LIPJ: variants seen among roughly 807,000 people sequenced by gnomAD.
LIPJ encodes lipase family member J.
LIPJ carries 33 observed loss-of-function variants against 39.8 expected under a neutral mutation model. The ratio of observed to expected loss-of-function variants is 0.83; its 90% confidence interval spans 0.63 to 1.11. The LOEUF (loss-of-function observed/expected upper bound fraction) is 1.11, where lower values mean the gene tolerates loss of function less well. Ranked by LOEUF, LIPJ falls within the 50% of genes least tolerant of loss-of-function variation. The pLI is 0.00. For synonymous variants in LIPJ, 128 were observed against 139.2 expected, an observed-to-expected ratio of 0.92 and a Z score of 0.57; for missense variants, 422 against 427.9, an observed-to-expected ratio of 0.99 and a Z score of 0.12.
chr10:88,619,233 T>C, the LIPJ span, among the ~76,000 whole-genome samples: 1 of 146,232 alleles, frequency 6.8e-6, no homozygotes, highest in Non-Finnish European at 1.5e-5. Flanking sequence ...AAAAAAGCTG[T>C]AACCCACACA....
chr10:88,613,800 A>ATATATATGTGTGTGTGTGTG, the LIPJ span, among the ~76,000 whole-genome samples: 2 of 74,156 alleles, frequency 2.7e-5, no homozygotes, highest in African/African-American at 9.6e-5. Flanking sequence ...ATATATATAT[A>ATATATATGTGTGTGTGTGTG]TGTGTGTGTG....
chr10:88,609,759 C>G (rs1340575051), downstream of LIPJ, among the ~76,000 whole-genome samples: 1 of 151,366 alleles, frequency 6.6e-6, no homozygotes, highest in African/African-American at 2.4e-5. Flanking sequence ...ATTAGCTGGG[C>G]GTGGTGGTGT....
chr10:88,619,954 AT>A, the LIPJ span, among the ~76,000 whole-genome samples: 1 of 152,136 alleles, frequency 6.6e-6, no homozygotes, highest in Non-Finnish European at 1.5e-5. Context: ...CACTAAAAAA[AT>A]AAAAAAACAA....
intron 8 of LIPJ, among the ~76,000 whole-genome samples, chr10:88,597,333 T>A (rs1417399334): frequency 2.6e-5 from 4 of 151,868 alleles, no homozygotes; most frequent in Non-Finnish European, 5.9e-5. Flanking sequence ...CCTTCCATAA[T>A]TAGAATTAGT....
At chr10:88,616,531 G>A in the LIPJ span, among the ~76,000 whole-genome samples, 1 of 152,244 alleles carries the variant, frequency 6.6e-6, no homozygotes. Flanking sequence ...GACCTGCTGA[G>A]GCCCTCAAAG....
intron 10 of LIPJ, among the ~76,000 whole-genome samples, chr10:88,606,391 A>C (rs949041310): frequency 1.1e-4 from 17 of 152,186 alleles, no homozygotes; most frequent in African/African-American, 3.9e-4. Flanking sequence ...AAAATCTTTC[A>C]TGTTTTATAA....
exon 10 of LIPJ, chr10:88,605,700 A>T (rs1418505234): frequency 6.3e-7 from 1 of 1,599,242 alleles, no homozygotes; most frequent in African/African-American, 1.3e-5. Context: ...GTTCATTATA[A>T]TCAGGTACAT....
chr10:88,603,424 A>G (rs1315430226), intron 9 of LIPJ, among the ~76,000 whole-genome samples: 1 of 152,194 alleles, frequency 6.6e-6, no homozygotes, highest in African/African-American at 2.4e-5. Context: ...AGTTCTTAGC[A>G]TATAGTAGAT....
At chr10:88,591,178 TA>T (rs1446365067) in intron 3 of LIPJ, among the ~76,000 whole-genome samples, 199 bp from the exon 4 acceptor site, 1 of 151,750 alleles carries the variant, frequency 6.6e-6, no homozygotes, top group Non-Finnish European at 1.5e-5. Flanking sequence ...CCCTAGTATA[TA>T]AAACTGCTGC....
chr10:88,595,031 ATATCTATGT>A (rs1564933276), intron 6 of LIPJ, among the ~76,000 whole-genome samples: 1 of 151,782 alleles, frequency 6.6e-6, no homozygotes. Context: ...TAAAAGTTGG[ATATCTATGT>A]TATTTAAGAT....
upstream of LIPJ, chr10:88,583,200 G>C: frequency 3.1e-6 from 5 of 1,613,584 alleles, no homozygotes; most frequent in Non-Finnish European, 3.4e-6. Flanking sequence ...TGGCGAGAGG[G>C]AGCAGCGATC....
chr10:88,622,009 A>T, the LIPJ span, among the ~76,000 whole-genome samples: 1 of 152,190 alleles, frequency 6.6e-6, no homozygotes, highest in African/African-American at 2.4e-5. Flanking sequence ...GCTCAGACCC[A>T]GTTTAACAGG....
upstream of LIPJ, chr10:88,584,618 T>G (rs1200732259): frequency 6.6e-6 from 1 of 152,206 alleles, no homozygotes; most frequent in African/African-American, 2.4e-5. Context: ...TTTTCTTTCT[T>G]GAGACAGGGT....
the LIPJ span, among the ~76,000 whole-genome samples, chr10:88,613,788 ATATATATATATATGTGTGTGTGTGTG>A: frequency 3.7e-3 from 187 of 51,006 alleles, 1 homozygote; most frequent in African/African-American, 0.018. Context: ...ATATATATAT[ATATATATATATATGTGTGTGTGTGTG>A]TGTATATATA....
chr10:88,583,023 G>GT, upstream of LIPJ: 1 of 1,588,650 alleles, frequency 6.3e-7, no homozygotes, highest in Non-Finnish European at 8.6e-7. Context: ...CACCTCAGCA[G>GT]CCTGCCCGGC....
downstream of LIPJ, among the ~76,000 whole-genome samples, chr10:88,611,152 C>T (rs1290863363): frequency 2.0e-5 from 3 of 152,152 alleles, no homozygotes; most frequent in Non-Finnish European, 4.4e-5. Context: ...TGGCTAGACC[C>T]AGAAGAGCAA....
chr10:88,598,065 T>A (rs993556119), intron 8 of LIPJ, among the ~76,000 whole-genome samples: 1 of 152,032 alleles, frequency 6.6e-6, no homozygotes, highest in Non-Finnish European at 1.5e-5. Flanking sequence ...TAGATTGTAA[T>A]ATGACTGTGT....
the LIPJ span, among the ~76,000 whole-genome samples, chr10:88,621,631 C>T: frequency 6.6e-6 from 1 of 151,838 alleles, no homozygotes; most frequent in Non-Finnish European, 1.5e-5. Flanking sequence ...AGAACTGTAC[C>T]CTTAGAAAAT....
chr10:88,583,235 CG>C, upstream of LIPJ: 1 of 1,607,518 alleles, frequency 6.2e-7, no homozygotes, highest in South Asian at 1.1e-5. Flanking sequence ...GCGGCGGGGC[CG>C]TTCGGCCCGG....
Sources: gnomAD v4.1 joint callset for allele counts (sites outside exome capture counted in the v4.1 genomes callset) on GRCh38, gnomAD v4.1.1 for gene constraint, MANE v1.5 for transcripts, NCBI Gene and HGNC (gene_info 2026-07-23, HGNC 2026-07-21) for gene names.